Variants in SRPX2 observed in about 807,000 individuals in gnomAD.
The protein encoded by SRPX2 is sushi repeat-containing protein SRPX2.
In SRPX2, 26 loss-of-function variants were observed where a neutral mutation model predicts 45.3. That is an observed-to-expected ratio of 0.57 (90% CI 0.42 to 0.80). SRPX2 has a LOEUF of 0.80. Ranked by LOEUF, SRPX2 falls within the 30% of genes least tolerant of loss-of-function variation. The pLI, the probability that SRPX2 is intolerant of heterozygous loss-of-function variation, is 0.00. For synonymous variants in SRPX2, 125 were observed against 143.7 expected (o/e 0.87, Z 0.93); for missense variants, 355 against 399.8 (o/e 0.89, Z 0.95).
At chrX:100,669,416 CG>C in intron 10 of SRPX2, 47 bp downstream of exon 10, 1 of 104,449 alleles carries the variant, frequency 9.6e-6, no homozygotes. Flanking sequence ...GGGGCTGGGG[CG>C]GGGGGAGAAA....
chrX:100,652,223 A>G (rs1163866528), intron 3 of SRPX2, among the ~76,000 whole-genome samples: 4 of 112,215 alleles, frequency 3.6e-5, no homozygotes, highest in Non-Finnish European at 1.9e-5. Flanking sequence ...AATGGAGGGT[A>G]CAGATGAACC....
chrX:100,658,316 A>G (rs1184249639), intron 3 of SRPX2, among the ~76,000 whole-genome samples: 1 of 111,987 alleles, frequency 8.9e-6, no homozygotes, highest in Non-Finnish European at 1.9e-5. Context: ...CAATTTCATT[A>G]TTCTGTATAA....
At chrX:100,665,704 T>C (rs2083202641) in intron 7 of SRPX2, 47 bp downstream of exon 7, 1 of 1,207,531 alleles carries the variant, frequency 8.3e-7, no homozygotes. Context: ...AATCCTGCTC[T>C]ACCCTGACCC....
At chrX:100,664,109 G>A (rs1339629127) in intron 4 of SRPX2, among the ~76,000 whole-genome samples, 1 of 111,293 alleles carries the variant, frequency 9.0e-6, no homozygotes, top group Non-Finnish European at 1.9e-5. Context: ...ATCCTATGAG[G>A]TATCCACATT....
Position 100,646,359 on chromosome X carries a change from C to T in SRPX2, c.37C>T (p.Leu13=), listed in dbSNP as rs1362364805. The T allele has an allele frequency of 8.3e-7, 1 of 1,211,403 alleles. No individual in the cohort carries two copies. Among genetic ancestry groups the T allele is most frequent in the Non-Finnish European group, 1.1e-6 (1 of 895,473 alleles). The change falls in exon 2 of 11, where the codon CTG becomes TTG. Residue 13 remains leucine, a synonymous_variant. Coordinates refer to ENST00000373004, the MANE Select transcript of SRPX2 (RefSeq NM_014467.3). ...SQLTQRGALF[L]LFFLTPAVTP... is the part of the protein sequence containing the mutation. ...GCTAACTCAAAGAGGAGCTCTCTTT[C>T]TGCTGTTCTTCCTAACTCCGGCAGT... is the stretch of plus-strand genomic sequence containing the variant.
intron 10 of SRPX2, 22 bp from the exon 11 acceptor site, chrX:100,670,785 C>T (rs1324876532): frequency 8.3e-7 from 1 of 1,207,944 alleles, no homozygotes; most frequent in Non-Finnish European, 1.1e-6. Context: ...GGTCTCATAC[C>T]TCCCTGGGCT....
chrX:100,664,713 C>G (rs962642655), intron 4 of SRPX2, 61 bp from the exon 5 acceptor site: 3 of 1,091,747 alleles, frequency 2.7e-6, no homozygotes, highest in Non-Finnish European at 3.7e-6. Flanking sequence ...TGCTAGATGC[C>G]CAGGCATCAC....
At chrX:100,651,185 T>G in intron 3 of SRPX2, 1 of 264,175 alleles carries the variant, frequency 3.8e-6, no homozygotes, top group Non-Finnish European at 6.7e-6. Flanking sequence ...TATATTCTGT[T>G]GGGGGTGATG....
chrX:100,667,620 T>A (rs2083208955), intron 9 of SRPX2, among the ~76,000 whole-genome samples: 1 of 112,458 alleles, frequency 8.9e-6, no homozygotes, highest in Non-Finnish European at 1.9e-5. Context: ...TGGCTGTGAC[T>A]TGCAGGGAGC....
chrX:100,669,984 C>T (rs1340721633), intron 10 of SRPX2, among the ~76,000 whole-genome samples: 2 of 110,302 alleles, frequency 1.8e-5, no homozygotes, highest in South Asian at 3.9e-4. Flanking sequence ...ATTGGCCAGG[C>T]TGGTCTCAAA....
chrX:100,655,895 C>A (rs1378387447), intron 3 of SRPX2, among the ~76,000 whole-genome samples: 17 of 84,709 alleles, frequency 2.0e-4, no homozygotes, highest in African/African-American at 7.7e-4. Flanking sequence ...CAAAGTTTCG[C>A]TCTTGTTGCC....
At chrX:100,649,051 A>G (rs1391977942) in intron 2 of SRPX2, 1 of 112,633 alleles carries the variant, frequency 8.9e-6, no homozygotes, top group African/African-American at 3.2e-5. Context: ...TGACATAATG[A>G]ACTAACATAT....
chrX:100,665,716 C>T (rs1424247322), intron 7 of SRPX2, 59 bp downstream of exon 7: 1 of 1,198,399 alleles, frequency 8.3e-7, no homozygotes, highest in African/African-American at 1.8e-5. Context: ...CCCTGACCCA[C>T]CCCATGTCTC....
Position 100,644,443 on chromosome X carries a change from A to G in SRPX2, c.-203A>G, listed in dbSNP as rs780324478. The G allele has an allele frequency of 9.0e-6, 1 of 111,584 alleles. No individual in the cohort carries two copies. The highest frequency in any genetic ancestry group is 3.3e-5 in the African/African-American group (1 of 30,606). 9.2% of individuals were successfully genotyped at this position (111,584 alleles called of 1,213,427 possible). On this transcript the variant is annotated 5_prime_UTR_variant, in exon 1 of 11. Coordinates refer to ENST00000373004, the MANE Select transcript of SRPX2 (RefSeq NM_014467.3). Reference sequence around the variant, plus strand: ...AATGTTAAAGTAGAAGGTTTTTTCCAATTGATGAGAGGAGCAGAGAGGAAG... The same window carrying G: ...AATGTTAAAGTAGAAGGTTTTTTCCGATTGATGAGAGGAGCAGAGAGGAAG...
At chrX:100,664,473 C>T (rs2083197746) in intron 4 of SRPX2, among the ~76,000 whole-genome samples, 1 of 111,235 alleles carries the variant, frequency 9.0e-6, no homozygotes. Context: ...TTAAGGCCCA[C>T]TCTTGTTGTA....
At chrX:100,653,256 A>G (rs2083159163) in intron 3 of SRPX2, among the ~76,000 whole-genome samples, 1 of 111,364 alleles carries the variant, frequency 9.0e-6, no homozygotes, top group Non-Finnish European at 1.9e-5. Flanking sequence ...CTCTCTCCTG[A>G]AAAATGTTCT....
chrX:100,672,260 C>T lies in SRPX2; in HGVS notation c.*1273C>T, dbSNP rs1191941801. On this transcript the variant is annotated 3_prime_UTR_variant, in exon 11 of 11. Transcript: ENST00000373004. ...GTGTTCTCTCCCTTGCTGCTGAGAG[C>T]CTTCTTTCATACAGTCATGGAACCC... 2 of 112,117 alleles carry T rather than the reference C, an allele frequency of 1.8e-5. No individual in the cohort carries two copies. Among genetic ancestry groups the T allele is most frequent in the Non-Finnish European group, 3.8e-5 (2 of 53,224 alleles). 9.2% of individuals were successfully genotyped at this position (112,117 alleles called of 1,213,427 possible).
Position 100,661,184 on chromosome X carries a change from T to TC in SRPX2, c.164-989dup, listed in dbSNP as rs2083185992. On this transcript the variant is annotated intron_variant, in intron 3 of 10. Coordinates refer to ENST00000373004, the MANE Select transcript of SRPX2 (RefSeq NM_014467.3). ...TTACCAGTTTTTTTTAAGGATACCC[T>TC]CCCTGATGGATATATAAGTAGTATC... 5.3e-5 allele frequency among the ~76,000 whole-genome samples: 6 copies of TC among 112,236 alleles called. No homozygotes were observed. The Admixed American group carries it at 5.6e-4, about 11-fold the overall frequency.
intron 9 of SRPX2, among the ~76,000 whole-genome samples, chrX:100,668,337 AAAAAAG>A (rs1569362603): frequency 2.7e-4 from 15 of 54,645 alleles, no homozygotes; most frequent in African/African-American, 1.0e-3. Context: ...CAAAAAAAAA[AAAAAAG>A]AAAAAAAAAA....
Sources: gnomAD v4.1 joint callset for allele counts (sites outside exome capture counted in the v4.1 genomes callset) on GRCh38, gnomAD v4.1.1 for gene constraint, MANE v1.5 for transcripts, NCBI Gene and HGNC (gene_info 2026-07-23, HGNC 2026-07-21) for gene names.